The following DIP2C variants were observed in gnomAD, a reference collection of about 807,000 sequenced individuals.
The protein encoded by DIP2C is disco-interacting protein 2 homolog C.
Under a neutral mutation model 192.4 loss-of-function variants are expected in DIP2C, and 33 were observed. The observed-to-expected ratio is 0.17, with a 90% CI of 0.13 to 0.23. The LOEUF (loss-of-function observed/expected upper bound fraction) is 0.23. Among genes scored for constraint, DIP2C ranks in the 10% least tolerant of loss-of-function variants. The pLI is 1.00. For missense variants in DIP2C, 1,537 were observed against 2,110.1 expected (o/e 0.73, Z 5.32); for synonymous variants, 979 against 864.1 (o/e 1.13, Z -2.33).
At chr10:449,922 A>AC (rs201168247) in intron 3 of DIP2C, among the ~76,000 whole-genome samples, 15 of 9,688 alleles carry the variant, frequency 1.5e-3, no homozygotes, top group East Asian at 0.17. Flanking sequence ...AACAACAACA[A>AC]AAAAAAAAAA....
intron 32 of DIP2C, among the ~76,000 whole-genome samples, chr10:291,165 C>T (rs915965708): frequency 6.6e-6 from 1 of 152,230 alleles, no homozygotes. Flanking sequence ...GCCAGTGCCT[C>T]ACCCTCCGGC....
At chr10:683,134 G>A (rs565570624) in intron 1 of DIP2C, among the ~76,000 whole-genome samples, 1 of 152,240 alleles carries the variant, frequency 6.6e-6, no homozygotes, top group Non-Finnish European at 1.5e-5. Flanking sequence ...ATGAGAGGCT[G>A]CTGGTTGTAA....
intron 1 of DIP2C, among the ~76,000 whole-genome samples, chr10:610,738 G>A (rs990756003): frequency 6.6e-6 from 1 of 151,546 alleles, no homozygotes; most frequent in African/African-American, 2.4e-5. Flanking sequence ...ACTGACTCAT[G>A]GGGGTGGTTT....
chr10:442,975 A>G (rs1042500301), intron 3 of DIP2C, among the ~76,000 whole-genome samples: 1 of 152,232 alleles, frequency 6.6e-6, no homozygotes, highest in African/African-American at 2.4e-5. Flanking sequence ...TCAAGAATAC[A>G]GGTTAGTTAT....
At chr10:512,968 G>A (rs1244116012) in intron 1 of DIP2C, among the ~76,000 whole-genome samples, 1 of 148,050 alleles carries the variant, frequency 6.8e-6, no homozygotes, top group Admixed American at 6.7e-5. Context: ...TTTCATTTAA[G>A]GGAAGGGAGA....
chr10:504,155 TA>T (rs774405297), intron 1 of DIP2C, among the ~76,000 whole-genome samples: 1 of 152,074 alleles, frequency 6.6e-6, no homozygotes, highest in South Asian at 2.1e-4. Flanking sequence ...GAAAGAGCAA[TA>T]AAGAGTATTT....
In DIP2C at chr10:390,481, C is replaced by T. The variant is rs568663658; in HGVS notation, c.1385-108G>A. On this transcript the variant is annotated intron_variant, in intron 11 of 36. Coordinates refer to ENST00000280886, the MANE Select transcript of DIP2C (RefSeq NM_014974.3). ...TTCAAACACGTCAACTAGATCGAAT[C>T]TCTGGTGTCTCCGGACTTCACGAGA... 2.8e-5 allele frequency: 33 copies of T among 1,171,684 alleles called. No homozygotes were observed. In the Admixed American group the frequency reaches 5.9e-4, roughly 21 times the overall value. The allele number at this position is 1,171,684 out of a possible 1,614,324, so 72.6% of individuals were successfully genotyped here.
chr10:561,793 C>T (rs1158732091), intron 1 of DIP2C, among the ~76,000 whole-genome samples: 6 of 152,320 alleles, frequency 3.9e-5, no homozygotes, highest in Admixed American at 3.3e-4. Context: ...TCAGTGTTTT[C>T]GCCATTGTGA....
intron 1 of DIP2C, among the ~76,000 whole-genome samples, chr10:687,367 A>T (rs2119116772): frequency 6.6e-6 from 1 of 152,324 alleles, no homozygotes; most frequent in East Asian, 1.9e-4. Flanking sequence ...CACACTTCAC[A>T]GCAAAGTTAA....
rs201053979 is a variant in DIP2C at position 362,659 on chromosome 10, A to G, written c.2625T>C (p.Tyr875=). The G allele has an allele frequency of 1.8e-5, 29 of 1,613,610 alleles. No individual in the cohort carries two copies. In the Middle Eastern group the frequency reaches 5.0e-4, roughly 28 times the overall value. The change falls in exon 22 of 37, where the codon TAT becomes TAC. Residue 875 remains tyrosine, a synonymous_variant. Transcript: ENST00000280886. ...TGTTTGCTGGCACCAAGGCCAGGCA[A>G]TAAACTCCAACTTGATGTATACTGT... is the stretch of plus-strand genomic sequence containing the variant. The part of the protein sequence containing the change: ...AIDSIHQVGV[Y]CLALVPANTL...
intron 29 of DIP2C, among the ~76,000 whole-genome samples, chr10:333,378 T>A (rs1277609221): frequency 6.6e-6 from 1 of 152,224 alleles, no homozygotes; most frequent in African/African-American, 2.4e-5. Flanking sequence ...GTCAGTCCCA[T>A]TTCCAGCCCT....
intron 1 of DIP2C, among the ~76,000 whole-genome samples, chr10:578,922 T>C (rs185503530): frequency 1.2e-3 from 178 of 151,820 alleles, no homozygotes; most frequent in African/African-American, 4.1e-3. Flanking sequence ...TGTGTGCACA[T>C]AGGCACACTG....
chr10:565,759 C>G (rs890805095), intron 1 of DIP2C, among the ~76,000 whole-genome samples: 3 of 152,232 alleles, frequency 2.0e-5, no homozygotes, highest in African/African-American at 7.2e-5. Flanking sequence ...AGTCGCGTAA[C>G]GGAGTCGAGC....
chr10:442,252 G>A (rs1285944382), intron 3 of DIP2C, among the ~76,000 whole-genome samples: 2 of 152,056 alleles, frequency 1.3e-5, no homozygotes, highest in African/African-American at 4.8e-5. Context: ...TGTCTTTCCT[G>A]CTTAAACCCC....
chr10:308,507 T>A (rs1357201872), intron 32 of DIP2C, among the ~76,000 whole-genome samples: 1 of 149,602 alleles, frequency 6.7e-6, no homozygotes, highest in African/African-American at 2.6e-5. Flanking sequence ...TATGAGTTAT[T>A]TTCCAAAGAA....
At chr10:279,847 T>C (rs1309210464) in intron 36 of DIP2C, among the ~76,000 whole-genome samples, 5 of 152,182 alleles carry the variant, frequency 3.3e-5, no homozygotes, top group African/African-American at 1.2e-4. Flanking sequence ...AGCACCACGG[T>C]CTAGAAGCCC....
chr10:355,519 A>T (rs1217337436), intron 24 of DIP2C, among the ~76,000 whole-genome samples: 2 of 152,246 alleles, frequency 1.3e-5, no homozygotes, highest in African/African-American at 4.8e-5. Flanking sequence ...TATACTTGTC[A>T]AGAAGACTTA....
chr10:286,297 C>A lies in DIP2C; in HGVS notation c.4095G>T (p.Pro1365=), dbSNP rs771830563. 2.5e-6 allele frequency: 4 copies of A among 1,614,050 alleles called. No homozygotes were observed. The highest frequency in any genetic ancestry group is 3.3e-5 in the Admixed American group (2 of 60,006). ...IIIANPETKG[P]LGDSHLGEIW... ...CCTCTCCAAGGTGTGAGTCCCCCAG[C>A]GGTCCTTTTGTTTCTGGGTTGGCAA... The change falls in exon 34 of 37, where the codon CCG becomes CCT. Residue 1365 remains proline (P), a synonymous_variant. Coordinates refer to ENST00000280886, the MANE Select transcript of DIP2C (RefSeq NM_014974.3).
chr10:433,822 G>A (rs1050834124), intron 4 of DIP2C, among the ~76,000 whole-genome samples: 2 of 152,070 alleles, frequency 1.3e-5, no homozygotes, highest in African/African-American at 4.8e-5. Context: ...GACTGACATT[G>A]AAAGTGAGTA....
Sources: gnomAD v4.1 joint callset for allele counts (sites outside exome capture counted in the v4.1 genomes callset) on GRCh38, gnomAD v4.1.1 for gene constraint, MANE v1.5 for transcripts, NCBI Gene and HGNC (gene_info 2026-07-23, HGNC 2026-07-21) for gene names.